NCR3LG1: variants seen among roughly 807,000 people sequenced by gnomAD.
NCR3LG1 encodes natural killer cell cytotoxicity receptor 3 ligand 1.
Under a neutral mutation model 34.8 loss-of-function variants are expected in NCR3LG1, and 35 were observed. That is an observed-to-expected ratio of 1.01 (90% confidence interval 0.77 to 1.33). The LOEUF (loss-of-function observed/expected upper bound fraction) is 1.33. Ranked by LOEUF, NCR3LG1 falls within the 40% of genes most tolerant of loss-of-function variation. The pLI is 0.00. For synonymous variants in NCR3LG1, 173 were observed against 163.6 expected, an observed-to-expected ratio of 1.06 and a Z score of -0.44; for missense variants, 452 against 423.3, an observed-to-expected ratio of 1.07 and a Z score of -0.60.
intron 4 of NCR3LG1, among the ~76,000 whole-genome samples, chr11:17,369,404 T>C (rs959180188): frequency 2.0e-5 from 3 of 152,202 alleles, no homozygotes; most frequent in Non-Finnish European, 4.4e-5. Context: ...ATCTCACTAG[T>C]TTGACTAAGA....
At position 17,372,118 on chromosome 11, in the gene NCR3LG1, G is replaced by A. The variant is rs115770570; in HGVS notation, c.971G>A (p.Arg324Gln). ...GAGCACCTCATATTCTTTTGCACTC[G>A]GGCATGGCCGTCTTACCAGCTGCAG... ...KKEHLIFFCT[R>Q]AWPSYQLQDG... The change falls in exon 5 of 5, where the codon CGG becomes CAG. Residue 324 changes from arginine to glutamine, a missense_variant. Physicochemically the swap from Arg to Gln is conservative, Grantham distance 43. Coordinates refer to ENST00000338965, the MANE Select transcript of NCR3LG1 (RefSeq NM_001202439.3). 1.4e-3 allele frequency: 974 copies of A among 702,932 alleles called. 12 individuals carry two copies. Among genetic ancestry groups the A allele is most frequent in the African/African-American group, 0.012 (712 of 57,342 alleles). 43.5% of individuals were successfully genotyped at this position (702,932 alleles called of 1,614,324 possible).
chr11:17,367,143 C>T lies in NCR3LG1; in HGVS notation c.556C>T (p.His186Tyr). Residue 186 changes from histidine (H) to tyrosine (Y), a missense_variant, in exon 3 of 5, where the codon CAT becomes TAT. Physicochemically the swap from His to Tyr is moderately conservative, Grantham distance 83. Coordinates refer to ENST00000338965, the MANE Select transcript of NCR3LG1 (RefSeq NM_001202439.3). Reference protein sequence around the residue: ...TWEKQTQKFPHPIEISEDVIT... With the variant: ...TWEKQTQKFPYPIEISEDVIT... The stretch of plus-strand genomic sequence containing the variant: ...GGAGAAGCAGACCCAGAAGTTTCCC[C>T]ATCCCATAGAGATTTCTGAGGATGT... 6.5e-7 allele frequency: 1 copy of T among 1,536,544 alleles called. No homozygotes were observed. The highest frequency in any genetic ancestry group is 8.7e-7 in the Non-Finnish European group (1 of 1,147,022).
At position 17,375,931 on chromosome 11, in the gene NCR3LG1, G is replaced by T. The variant is rs768026380; in HGVS notation, c.*3419G>T. The stretch of plus-strand genomic sequence containing the variant: ...TTACAATCAGAAGATTGCAAAGTAC[G>T]CTTGCCAGCCTCCAGCCAATGGAAG... On this transcript the variant is annotated 3_prime_UTR_variant, in exon 5 of 5. Transcript: ENST00000338965. 4 of 152,134 alleles carry T rather than the reference G, an allele frequency of 2.6e-5. No individual in the cohort carries two copies. Among genetic ancestry groups the T allele is most frequent in the African/African-American group, 4.8e-5 (2 of 41,424 alleles). 9.4% of individuals were successfully genotyped at this position (152,134 alleles called of 1,614,324 possible). A position where few individuals can be genotyped will look rare whatever the true frequency, so the allele number is the denominator to read the frequency against.
At chr11:17,362,802 C>CT (rs1491472999) in intron 2 of NCR3LG1, among the ~76,000 whole-genome samples, 2 of 145,882 alleles carry the variant, frequency 1.4e-5, no homozygotes, top group Non-Finnish European at 3.0e-5. Context: ...CTCTCTCTTT[C>CT]TTTCTTTCTT....
rs369299232 is a variant in NCR3LG1, at chr11:17,374,755, T to A, written c.*2243T>A. The A allele has an allele frequency of 2.5e-4, 38 of 152,228 alleles. No homozygotes were observed. Among genetic ancestry groups the A allele is most frequent in the African/African-American group, 8.9e-4 (37 of 41,536 alleles). The allele number at this position is 152,228 out of a possible 1,614,324, so 9.4% of individuals were successfully genotyped here. On this transcript the variant is annotated 3_prime_UTR_variant, in exon 5 of 5. Coordinates refer to ENST00000338965, the MANE Select transcript of NCR3LG1 (RefSeq NM_001202439.3). ...ATGATAAAATAGGTTGCCCTTTATATCACCTTATAAAAGAAATTCAAGTGG... is the reference window on the plus strand; with the variant it reads ...ATGATAAAATAGGTTGCCCTTTATAACACCTTATAAAAGAAATTCAAGTGG...
In NCR3LG1 at chr11:17,372,118, G is replaced by T. The variant is rs115770570; in HGVS notation, c.971G>T (p.Arg324Leu). ...GAGCACCTCATATTCTTTTGCACTC[G>T]GGCATGGCCGTCTTACCAGCTGCAG... ...KKEHLIFFCTRAWPSYQLQDG... is the reference protein window; with the variant it reads ...KKEHLIFFCTLAWPSYQLQDG... The change falls in exon 5 of 5, where the codon CGG becomes CTG. Residue 324 changes from arginine to leucine, a missense_variant. Coordinates refer to ENST00000338965, the MANE Select transcript of NCR3LG1 (RefSeq NM_001202439.3). The T allele has an allele frequency of 1.4e-6, 1 of 702,932 alleles. No individual in the cohort carries two copies. The highest frequency in any genetic ancestry group is 2.0e-5 in the Admixed American group (1 of 50,024). 43.5% of individuals were successfully genotyped at this position (702,932 alleles called of 1,614,324 possible). A position where few individuals can be genotyped will look rare whatever the true frequency, so the allele number is the denominator to read the frequency against.
chr11:17,372,468 G>A lies in NCR3LG1; in HGVS notation c.1321G>A (p.Val441Ile), dbSNP rs1953421067. The A allele has an allele frequency of 1.4e-6, 1 of 702,800 alleles. No homozygotes were observed. The highest frequency in any genetic ancestry group is 2.6e-6 in the Non-Finnish European group (1 of 384,924). The allele number at this position is 702,800 out of a possible 1,614,324, so 43.5% of individuals were successfully genotyped here. ...TCCAGCCACAACATCAACAACTCCA[G>A]TTCTATCCTCCCAACCCCCAACTTT... ...PPPATTSTTP[V>I]LSSQPPTLLL... The change falls in exon 5 of 5, where the codon GTT becomes ATT. Residue 441 changes from valine (V) to isoleucine (I), a missense_variant. By Grantham distance (29) the Val-to-Ile change is conservative. Transcript: ENST00000338965.
chr11:17,366,349 A>G (rs1591684156), intron 2 of NCR3LG1, among the ~76,000 whole-genome samples: 1 of 152,312 alleles, frequency 6.6e-6, no homozygotes, highest in East Asian at 1.9e-4. Flanking sequence ...CTTTTAAGAC[A>G]TCCTTTTAGT....
chr11:17,369,833 A>C (rs537644024), intron 4 of NCR3LG1, among the ~76,000 whole-genome samples: 1 of 152,184 alleles, frequency 6.6e-6, no homozygotes, highest in African/African-American at 2.4e-5. Context: ...TCTGATATTC[A>C]GGTGCTATTG....
intron 4 of NCR3LG1, among the ~76,000 whole-genome samples, chr11:17,370,279 G>A (rs570405084): frequency 2.0e-5 from 3 of 152,170 alleles, no homozygotes; most frequent in African/African-American, 4.8e-5. Flanking sequence ...TGGGGTCCGC[G>A]CTCCTTAATT....
At chr11:17,370,979 A>G (rs1953399607) in intron 4 of NCR3LG1, among the ~76,000 whole-genome samples, 1 of 152,124 alleles carries the variant, frequency 6.6e-6, no homozygotes, top group Non-Finnish European at 1.5e-5. Context: ...GGACTTCAAG[A>G]TTTCAGCCTA....
intron 1 of NCR3LG1, among the ~76,000 whole-genome samples, chr11:17,353,476 C>T (rs1953164382): frequency 6.6e-6 from 1 of 151,468 alleles, no homozygotes; most frequent in African/African-American, 2.4e-5. Context: ...CTCTATCAGT[C>T]TGGGTCTCCT....
downstream of NCR3LG1, among the ~76,000 whole-genome samples, chr11:17,379,972 G>A (rs7110094): frequency 0.25 from 38,125 of 151,888 alleles, 7,357 homozygotes; most frequent in African/African-American, 0.53. Context: ...CTGCATCAGT[G>A]TTCCAGCTGG....
chr11:17,381,530 C>T (rs1953513306), downstream of NCR3LG1: 1 of 152,630 alleles, frequency 6.6e-6, no homozygotes, highest in Non-Finnish European at 1.5e-5. Context: ...ATCTGCATCT[C>T]AGTCAGAACT....
intron 2 of NCR3LG1, among the ~76,000 whole-genome samples, chr11:17,361,634 C>T (rs979634837): frequency 1.3e-5 from 2 of 152,052 alleles, no homozygotes; most frequent in African/African-American, 4.8e-5. Context: ...ATTGTTCATT[C>T]CTGTCAAATA....
At chr11:17,362,768 C>G (rs1953293395) in intron 2 of NCR3LG1, among the ~76,000 whole-genome samples, 2 of 113,686 alleles carry the variant, frequency 1.8e-5, no homozygotes, top group African/African-American at 7.6e-5. Flanking sequence ...TTCTTTCTTT[C>G]CTTCCTTCCT....
rs1049148046 is a variant in NCR3LG1 at position 17,375,909 on chromosome 11, C to T, written c.*3397C>T. On this transcript the variant is annotated 3_prime_UTR_variant, in exon 5 of 5. Transcript: ENST00000338965. ...TACTTTTCAACCCTCAGGATGGTTA[C>T]AATCAGAAGATTGCAAAGTACGCTT... 2.0e-5 allele frequency: 3 copies of T among 152,074 alleles called. No individual in the cohort carries two copies. The highest frequency in any genetic ancestry group is 4.8e-5 in the African/African-American group (2 of 41,394). The allele number at this position is 152,074 out of a possible 1,614,324, so 9.4% of individuals were successfully genotyped here. A position where few individuals can be genotyped will look rare whatever the true frequency, so the allele number is the denominator to read the frequency against.
rs538632902 is a variant in NCR3LG1 at position 17,367,264 on chromosome 11, A to G, written c.677A>G (p.Tyr226Cys). Residue 226 changes from tyrosine (Y) to cysteine (C), a missense_variant, in exon 3 of 5, where the codon TAC (tyrosine) becomes TGC (cysteine). Physicochemically the swap from Tyr to Cys is radical, Grantham distance 194. Coordinates refer to ENST00000338965, the MANE Select transcript of NCR3LG1 (RefSeq NM_001202439.3). ...NSSQEDPGTV[Y>C]QCVVRHASLH... Reference sequence around the variant, plus strand: ...TCTCAGGAAGACCCTGGGACTGTCTACCAGTGTGTGGTACGGCATGCGTCC... The same window carrying G: ...TCTCAGGAAGACCCTGGGACTGTCTGCCAGTGTGTGGTACGGCATGCGTCC... 202 of 1,536,254 alleles carry G rather than the reference A, an allele frequency of 1.3e-4. 2 individuals are homozygous for G. In the African/African-American group the frequency reaches 2.3e-3, roughly 18 times the overall value.
chr11:17,372,810 C>A lies in NCR3LG1; in HGVS notation c.*298C>A. ...GTGAGAAACAACCAGCATTCACATA[C>A]CCAATAGGAAGCGAGGCAGTGCCCC... On this transcript the variant is annotated 3_prime_UTR_variant, in exon 5 of 5. Transcript: ENST00000338965. The A allele has an allele frequency of 3.0e-6, 1 of 330,984 alleles. No individual in the cohort carries two copies. The allele number at this position is 330,984 out of a possible 1,614,324, so 20.5% of individuals were successfully genotyped here.
Sources: allele counts gnomAD v4.1 joint callset (sites outside exome capture counted in the v4.1 genomes callset), GRCh38; gene constraint gnomAD v4.1.1; transcripts MANE v1.5; gene names NCBI Gene and HGNC (gene_info 2026-07-23, HGNC 2026-07-21).